The following TMC6 variants were observed in gnomAD, a reference collection of about 807,000 sequenced individuals.
TMC6 encodes transmembrane channel-like protein 6.
TMC6 carries 71 observed loss-of-function variants against 95.4 expected under a neutral mutation model. The ratio of observed to expected loss-of-function variants is 0.74; its 90% CI spans 0.61 to 0.91. The LOEUF (loss-of-function observed/expected upper bound fraction) is 0.91. Ranked by LOEUF, TMC6 falls within the 40% of genes least tolerant of loss-of-function variation. The pLI, the probability that TMC6 is intolerant of heterozygous loss-of-function variation, is 0.00. For synonymous variants in TMC6, 514 were observed against 483.1 expected, an observed-to-expected ratio of 1.06 and a Z score of -0.84; for missense variants, 1,074 against 1,079.1, an observed-to-expected ratio of 1.00 and a Z score of 0.07.
rs1428736421 is a variant in TMC6 at position 78,125,735 on chromosome 17, C to T, written c.421G>A (p.Glu141Lys). 6.4e-7 allele frequency: 1 copy of T among 1,566,564 alleles called. No homozygotes were observed. The highest frequency in any genetic ancestry group is 1.2e-5 in the South Asian group (1 of 85,232). Reference protein sequence around the residue: ...YDLELDPTALEEEEKQSLLVK... With the variant: ...YDLELDPTALKEEEKQSLLVK... The stretch of plus-strand genomic sequence containing the variant: ...GTGCCCACTCACTCACCCTCCTCCT[C>T]CAGGGCCGTGGGGTCCAGCTCCAGG... Residue 141 changes from glutamate to lysine, a missense_variant, in exon 5 of 20, where the codon GAG becomes AAG. Coordinates refer to ENST00000590602, the MANE Select transcript of TMC6 (RefSeq NM_001127198.5).
chr17:78,132,417 C>T, upstream of TMC6: 1 of 1,612,910 alleles, frequency 6.2e-7, no homozygotes, highest in African/African-American at 1.3e-5. Context: ...TGCTGCTACT[C>T]AACCTGCTGA....
rs1423147670 is a variant in TMC6, at chr17:78,128,092, C to G, written c.-75+520G>C. On this transcript the variant is annotated intron_variant, in intron 1 of 19. Transcript: ENST00000590602. The surrounding 1 kb of genome is among the most constrained non-coding windows in gnomAD (Gnocchi z 4.0). ...CACCCAGCGCCCCAGCACTCCGCCC[C>G]GAGGCCCAGGCAAGTCCAGCGGAGT... Among the ~76,000 whole-genome samples the G allele has an allele frequency of 2.0e-5, 3 of 152,348 alleles. No homozygotes were observed. The East Asian group carries it at 5.8e-4, about 29-fold the overall frequency.
chr17:78,125,668 C>G, intron 5 of TMC6, 58 bp downstream of exon 5: 2 of 1,546,214 alleles, frequency 1.3e-6, no homozygotes, highest in South Asian at 1.2e-5. Flanking sequence ...AGGCTGGCCT[C>G]TTGCACCCCA....
At chr17:78,125,580 G>C in intron 5 of TMC6, 146 bp downstream of exon 5, 1 of 1,262,334 alleles carries the variant, frequency 7.9e-7, no homozygotes. Flanking sequence ...GCAGAGGGAC[G>C]GGGGGGCCTT....
At chr17:78,123,126 C>T (rs906636241) in intron 9 of TMC6, 1 of 357,486 alleles carries the variant, frequency 2.8e-6, no homozygotes, top group Non-Finnish European at 5.4e-6. Flanking sequence ...TCTAACCTTC[C>T]CCTCTCAGGG....
chr17:78,132,404 T>TCCTGCTGCTACTCAACCTGCTGAG (rs1403940739), upstream of TMC6: 4 of 1,613,044 alleles, frequency 2.5e-6, no homozygotes, highest in South Asian at 3.3e-5. Flanking sequence ...TTCCTCCGCT[T>TCCTGCTGCTACTCAACCTGCTGAG]CCTGCTGCTA....
chr17:78,128,263 T>C lies in TMC6; in HGVS notation c.-75+349A>G, dbSNP rs1232304781. Among the ~76,000 whole-genome samples, 1 of 151,952 alleles carries C rather than the reference T, an allele frequency of 6.6e-6. No homozygotes were observed. The highest frequency in any genetic ancestry group is 1.5e-5 in the Non-Finnish European group (1 of 67,968). The stretch of plus-strand genomic sequence containing the variant: ...ACCTGGCCCCAGAGCCCAGAGCGGC[T>C]GCAACTCTGGGGCCACCGAACCCGT... On this transcript the variant is annotated intron_variant, in intron 1 of 19. Coordinates refer to ENST00000590602, the MANE Select transcript of TMC6 (RefSeq NM_001127198.5). This position sits in a 1 kb window ranked among gnomAD's most constrained non-coding sequence, Gnocchi z 4.0.
rs771219760 is a variant in TMC6, at chr17:78,126,665, C to CG, written c.57-18dup. ...GGGCCCTGGCTGCAGAGGGGGTTGG[C>CG]GGGGGGGTCAGGCTCCAGCCACCTC... is the stretch of plus-strand genomic sequence containing the variant. On this transcript the variant is annotated splice_polypyrimidine_tract_variant and intron_variant, in intron 2 of 19. Coordinates refer to ENST00000590602, the MANE Select transcript of TMC6 (RefSeq NM_001127198.5). 156 of 1,611,992 alleles carry CG rather than the reference C, an allele frequency of 9.7e-5. No individual in the cohort carries two copies. The highest frequency in any genetic ancestry group is 4.4e-4 in the African/African-American group (33 of 74,980).
intron 6 of TMC6, 79 bp from the exon 7 acceptor site, chr17:78,125,064 G>A: frequency 6.5e-7 from 1 of 1,540,702 alleles, no homozygotes; most frequent in East Asian, 2.4e-5. Flanking sequence ...GCCACCCACG[G>A]GCTCAGCCCC....
upstream of TMC6, chr17:78,132,343 T>C: frequency 1.9e-6 from 3 of 1,607,248 alleles, no homozygotes; most frequent in East Asian, 4.5e-5. Context: ...TGACCCACCC[T>C]GCTCTCCCAC....
intron 9 of TMC6, among the ~76,000 whole-genome samples, chr17:78,123,609 A>G (rs1457614001): frequency 2.4e-4 from 17 of 69,648 alleles, no homozygotes; most frequent in Admixed American, 4.3e-4. Flanking sequence ...GGGTGAATGG[A>G]TGAATGGGTG....
In TMC6 at chr17:78,120,523, G is replaced by A. The variant is rs546603331; in HGVS notation, c.1715+130C>T. The A allele has an allele frequency of 2.7e-5, 37 of 1,377,534 alleles. No individual in the cohort carries two copies. The East Asian group carries it at 7.1e-4, about 26-fold the overall frequency. The allele number at this position is 1,377,534 out of a possible 1,614,324, so 85.3% of individuals were successfully genotyped here. ...AAAAATGAGTTCGGTTCTATTTCCT[G>A]AGTCTTCCTCTGAAGGGTGGAGACA... On this transcript the variant is annotated intron_variant, in intron 13 of 19. Coordinates refer to ENST00000590602, the MANE Select transcript of TMC6 (RefSeq NM_001127198.5).
At chr17:78,130,137 A>G (rs1287475566), upstream of TMC6, among the ~76,000 whole-genome samples, 1 of 152,212 alleles carries the variant, frequency 6.6e-6, no homozygotes, top group Non-Finnish European at 1.5e-5. Context: ...TTAAACATCT[A>G]GCCTGGGAGA....
At chr17:78,131,543 C>A (rs777641093), upstream of TMC6, 43 of 1,536,798 alleles carry the variant, frequency 2.8e-5, no homozygotes, top group South Asian at 5.1e-4. Context: ...CTCATATCCC[C>A]CCCACCGGCA....
In TMC6 at chr17:78,111,050, A is replaced by G. The variant is rs952530784; in HGVS notation, c.*2098T>C. 1.6e-4 allele frequency: 24 copies of G among 152,194 alleles called. No individual in the cohort carries two copies. Among genetic ancestry groups the G allele is most frequent in the African/African-American group, 5.8e-4 (24 of 41,440 alleles). The allele number at this position is 152,194 out of a possible 1,614,324, so 9.4% of individuals were successfully genotyped here. A position where few individuals can be genotyped will look rare whatever the true frequency, so the allele number is the denominator to read the frequency against. ...CTCAAGGCAGAATTCCCTCTCTGGG[A>G]CACCTCGGGTTTTGCTCTTAAAGCT... On this transcript the variant is annotated 3_prime_UTR_variant, in exon 20 of 20. Coordinates refer to ENST00000590602, the MANE Select transcript of TMC6 (RefSeq NM_001127198.5).
rs2613518 is a variant in TMC6 at position 78,118,773 on chromosome 17, A to G, written c.1887+198T>C. ...ACCTCTGAACCCAGCGATGCTTCCC[A>G]GCCTGCCGAAGACAGTGATGCCAAG... On this transcript the variant is annotated intron_variant, in intron 15 of 19. Coordinates refer to ENST00000590602, the MANE Select transcript of TMC6 (RefSeq NM_001127198.5). Among the ~76,000 whole-genome samples the G allele has an allele frequency of 0.53, 80,612 of 152,062 alleles. 22,786 individuals carry two copies. The highest frequency in any genetic ancestry group is 0.72 in the African/African-American group (29,701 of 41,496).
chr17:78,130,484 G>A (rs900973079), upstream of TMC6, among the ~76,000 whole-genome samples: 3 of 152,230 alleles, frequency 2.0e-5, no homozygotes, highest in Non-Finnish European at 4.4e-5. Flanking sequence ...GACATCCCTG[G>A]AGGCAGCCAG....
At chr17:78,124,406 T>C (rs1055031906) in intron 8 of TMC6, 118 bp downstream of exon 8, 3 of 1,509,004 alleles carry the variant, frequency 2.0e-6, no homozygotes, top group African/African-American at 1.4e-5. Flanking sequence ...TGTGGCCACC[T>C]GGAGTCACAG....
At chr17:78,129,114 G>GCC (rs1491320655), upstream of TMC6, among the ~76,000 whole-genome samples, 3 of 97,342 alleles carry the variant, frequency 3.1e-5, no homozygotes, top group African/African-American at 1.2e-4. The surrounding 1 kb of genome is among the most constrained non-coding windows in gnomAD (Gnocchi z 4.3). Context: ...AGATTGGGCA[G>GCC]CGCCCCCCCC....
Sources: allele counts gnomAD v4.1 joint callset (sites outside exome capture counted in the v4.1 genomes callset), GRCh38; gene constraint gnomAD v4.1.1; non-coding constraint Gnocchi (gnomAD v3.1); transcripts MANE v1.5; gene names NCBI Gene and HGNC (gene_info 2026-07-23, HGNC 2026-07-21).